GSK3B: variants seen among roughly 807,000 people sequenced by gnomAD.
The protein encoded by GSK3B is glycogen synthase kinase 3 beta.
Under a neutral mutation model 56.4 loss-of-function variants are expected in GSK3B, and 15 were observed. The observed-to-expected ratio is 0.27, with a 90% CI of 0.18 to 0.41. The LOEUF is 0.41. Ranked by LOEUF, GSK3B falls within the 10% of genes least tolerant of loss-of-function variation. The pLI, the probability that GSK3B is intolerant of heterozygous loss-of-function variation, is 1.00. For synonymous variants in GSK3B, 181 were observed against 188.9 expected, an observed-to-expected ratio of 0.96 and a Z score of 0.34; for missense variants, 300 against 513.4, an observed-to-expected ratio of 0.58 and a Z score of 4.02.
Position 119,822,387 on chromosome 3 carries a change from G to C in GSK3B, c.*4401C>G, listed in dbSNP as rs1384158322. The C allele has an allele frequency of 1.4e-5, 3 of 214,148 alleles. No homozygotes were observed. Among genetic ancestry groups the C allele is most frequent in the African/African-American group, 4.5e-5 (2 of 44,190 alleles). The allele number at this position is 214,148 out of a possible 1,614,324, so 13.3% of individuals were successfully genotyped here. The stretch of plus-strand genomic sequence containing the variant: ...TAAATGCAAATTTTACAGGCAAGCA[G>C]ATTTTCATACAACTATCTGTATCTG... On this transcript the variant is annotated 3_prime_UTR_variant, in exon 11 of 11. Transcript: ENST00000264235.
chr3:119,840,289 A>C (rs956205829), intron 10 of GSK3B, among the ~76,000 whole-genome samples: 41 of 151,272 alleles, frequency 2.7e-4, no homozygotes, highest in Non-Finnish European at 4.0e-4. Context: ...CAATGGCACA[A>C]TCTCGGCTCA....
At chr3:120,072,680 T>A (rs2058336383) in intron 1 of GSK3B, among the ~76,000 whole-genome samples, 1 of 152,192 alleles carries the variant, frequency 6.6e-6, no homozygotes, top group South Asian at 2.1e-4. Context: ...TCTCTATATT[T>A]AAGATTCAAA....
rs1382730425 is a variant in GSK3B at position 120,093,799 on chromosome 3, T to C, written c.-365A>G. On this transcript the variant is annotated 5_prime_UTR_variant, in exon 1 of 11. It adds an upstream start codon to the 5' untranslated region. Coordinates refer to ENST00000264235, the MANE Select transcript of GSK3B (RefSeq NM_001146156.2). ...CTTGATTGAAAATGAGTACTTCGAA[T>C]ATTATATTTTCCTCGGGGATTTTTT... 4.1e-6 allele frequency: 1 copy of C among 241,382 alleles called. No homozygotes were observed. Among genetic ancestry groups the C allele is most frequent in the African/African-American group, 2.2e-5 (1 of 45,234 alleles). 15.0% of individuals were successfully genotyped at this position (241,382 alleles called of 1,614,324 possible).
chr3:119,832,919 T>C (rs2055627060), intron 10 of GSK3B: 1 of 899,254 alleles, frequency 1.1e-6, no homozygotes. Context: ...TATCATAATT[T>C]CTTTTTATAG....
intron 10 of GSK3B, among the ~76,000 whole-genome samples, chr3:119,842,256 C>A (rs779379330): frequency 6.6e-6 from 1 of 152,166 alleles, no homozygotes; most frequent in African/African-American, 2.4e-5. Flanking sequence ...CTCACTAAAT[C>A]AGGCCCCACC....
chr3:120,078,941 A>ACACT (rs1197312435), intron 1 of GSK3B, among the ~76,000 whole-genome samples: 3 of 144,694 alleles, frequency 2.1e-5, no homozygotes, highest in Admixed American at 6.9e-5. Flanking sequence ...ACACACACAC[A>ACACT]CACACTTTTT....
chr3:119,912,664 A>T (rs1296539185), intron 6 of GSK3B, 40 bp downstream of exon 6: 2 of 875,174 alleles, frequency 2.3e-6, no homozygotes, highest in Non-Finnish European at 3.7e-6. Context: ...ATCAAGAAGC[A>T]ATTAATAATT....
At chr3:119,903,200 T>C (rs1355753583) in intron 7 of GSK3B, among the ~76,000 whole-genome samples, 10 of 152,198 alleles carry the variant, frequency 6.6e-5, no homozygotes, top group African/African-American at 2.4e-4. Flanking sequence ...AAACTACTAC[T>C]GGTAATTCCA....
intron 1 of GSK3B, among the ~76,000 whole-genome samples, chr3:120,031,603 C>T (rs955410294): frequency 2.6e-5 from 4 of 152,144 alleles, no homozygotes; most frequent in Non-Finnish European, 5.9e-5. Context: ...GGAGAAAACA[C>T]TTAACAACAA....
chr3:119,838,983 C>T (rs546072341), intron 10 of GSK3B, among the ~76,000 whole-genome samples: 6 of 152,150 alleles, frequency 3.9e-5, no homozygotes, highest in African/African-American at 1.4e-4. Flanking sequence ...AAAAGCAGTT[C>T]CCTCAGTGTT....
chr3:119,912,956 T>C, intron 5 of GSK3B, 146 bp from the exon 6 acceptor site: 1 of 452,428 alleles, frequency 2.2e-6, no homozygotes, highest in Non-Finnish European at 4.0e-6. Flanking sequence ...ATGTAAACTG[T>C]AACTATCTCT....
intron 7 of GSK3B, among the ~76,000 whole-genome samples, chr3:119,881,764 G>A (rs1195950328): frequency 6.6e-6 from 1 of 152,176 alleles, no homozygotes; most frequent in East Asian, 1.9e-4. Context: ...ATTTTGAATT[G>A]TAGCTCCCCT....
chr3:119,982,206 T>C (rs918380839), intron 2 of GSK3B, among the ~76,000 whole-genome samples: 1 of 152,162 alleles, frequency 6.6e-6, no homozygotes, highest in African/African-American at 2.4e-5. Flanking sequence ...ACCCCATCTG[T>C]AGGTCACCAA....
At chr3:119,953,658 G>A (rs568139096) in intron 2 of GSK3B, among the ~76,000 whole-genome samples, 93 of 152,000 alleles carry the variant, frequency 6.1e-4, no homozygotes, top group South Asian at 1.7e-3. Context: ...CTATATTATC[G>A]CTAGATGCTA....
At chr3:119,895,898 T>C (rs548700879) in intron 7 of GSK3B, among the ~76,000 whole-genome samples, 1 of 152,030 alleles carries the variant, frequency 6.6e-6, no homozygotes, top group East Asian at 1.9e-4. Context: ...CCAAGGTAGG[T>C]GGATCACTTC....
intron 1 of GSK3B, among the ~76,000 whole-genome samples, chr3:120,081,811 C>T (rs2058422008): frequency 6.6e-6 from 1 of 152,078 alleles, no homozygotes; most frequent in South Asian, 2.1e-4. Flanking sequence ...AGAAACAAGA[C>T]ACATTAACAA....
At chr3:120,009,038 C>T (rs572921626) in intron 1 of GSK3B, among the ~76,000 whole-genome samples, 5 of 152,274 alleles carry the variant, frequency 3.3e-5, no homozygotes, top group Middle Eastern at 3.4e-3. Flanking sequence ...TGAACAGACA[C>T]GTCTCAAAAG....
intron 8 of GSK3B, among the ~76,000 whole-genome samples, chr3:119,865,470 T>TTA (rs1559814411): frequency 8.0e-5 from 2 of 25,072 alleles, no homozygotes; most frequent in African/African-American, 1.3e-4. Flanking sequence ...ATATATATTT[T>TTA]TTTTTTTTTT....
At chr3:119,875,548 G>C (rs914604193) in intron 8 of GSK3B, among the ~76,000 whole-genome samples, 1 of 133,824 alleles carries the variant, frequency 7.5e-6, no homozygotes, top group Non-Finnish European at 1.6e-5. Flanking sequence ...CACACACACA[G>C]AAGTTTAATC....
Sources: allele counts gnomAD v4.1 joint callset (sites outside exome capture counted in the v4.1 genomes callset), GRCh38; gene constraint gnomAD v4.1.1; transcripts MANE v1.5; gene names NCBI Gene and HGNC (gene_info 2026-07-23, HGNC 2026-07-21).